DIAPH3: variants seen among roughly 807,000 people sequenced by gnomAD.
The protein encoded by DIAPH3 is diaphanous related formin 3.
A neutral mutation model predicts 144.3 loss-of-function variants in DIAPH3; 117 were observed. The observed-to-expected ratio is 0.81, with a 90% confidence interval of 0.70 to 0.95. The LOEUF (loss-of-function observed/expected upper bound fraction) is 0.95. Among genes scored for constraint, DIAPH3 ranks in the 40% least tolerant of loss-of-function variants. DIAPH3 has a pLI of 0.00. For missense variants in DIAPH3, 1,421 were observed against 1,412.7 expected, an observed-to-expected ratio of 1.01 and a Z score of -0.09; for synonymous variants, 519 against 488.9, an observed-to-expected ratio of 1.06 and a Z score of -0.81.
chr13:59,835,726 A>G (rs911672480), intron 23 of DIAPH3, among the ~76,000 whole-genome samples: 2 of 151,560 alleles, frequency 1.3e-5, no homozygotes, highest in Admixed American at 6.6e-5. Flanking sequence ...CCCACTTCCC[A>G]CTCTTACAAC....
chr13:59,934,646 A>G (rs1356001100), intron 17 of DIAPH3, among the ~76,000 whole-genome samples: 4 of 152,214 alleles, frequency 2.6e-5, no homozygotes, highest in Non-Finnish European at 4.4e-5. Context: ...TTTTTGAACC[A>G]GAACGGCCCT....
chr13:59,938,369 G>A (rs2048358969), intron 17 of DIAPH3, among the ~76,000 whole-genome samples: 1 of 152,124 alleles, frequency 6.6e-6, no homozygotes, highest in African/African-American at 2.4e-5. Context: ...AGCACTTTGG[G>A]AGGCCAAGGC....
At chr13:59,832,952 A>C (rs1032446704) in intron 24 of DIAPH3, 155 bp downstream of exon 24, 1 of 687,162 alleles carries the variant, frequency 1.5e-6, no homozygotes, top group African/African-American at 1.8e-5. Flanking sequence ...CAAACCATAC[A>C]TTTTTCAATA....
At chr13:60,133,457 C>T (rs1396659185) in intron 1 of DIAPH3, among the ~76,000 whole-genome samples, 9 of 151,980 alleles carry the variant, frequency 5.9e-5, no homozygotes, top group Admixed American at 3.9e-4. Context: ...TAGTATGCAG[C>T]ATAATAGATA....
intron 5 of DIAPH3, among the ~76,000 whole-genome samples, chr13:60,023,237 TCTATTTC>T (rs71661652): frequency 0.061 from 9,241 of 152,226 alleles, 416 homozygotes; most frequent in East Asian, 0.28. Flanking sequence ...ATCCAAATTA[TCTATTTC>T]ATATTGGGTG....
chr13:60,123,005 A>G (rs1397856662), intron 2 of DIAPH3, among the ~76,000 whole-genome samples: 1 of 152,192 alleles, frequency 6.6e-6, no homozygotes, highest in Non-Finnish European at 1.5e-5. Context: ...GCATAGACCT[A>G]TATTACCCAT....
chr13:60,100,007 T>C (rs2058226151), intron 3 of DIAPH3, among the ~76,000 whole-genome samples: 1 of 151,706 alleles, frequency 6.6e-6, no homozygotes. Flanking sequence ...CTGAAAGAGC[T>C]GTTAAGTGGC....
At chr13:60,092,608 G>A (rs1160181019) in intron 4 of DIAPH3, among the ~76,000 whole-genome samples, 2 of 151,880 alleles carry the variant, frequency 1.3e-5, no homozygotes, top group Non-Finnish European at 2.9e-5. Flanking sequence ...CCGAGATGGC[G>A]CCACTGCACC....
Position 60,162,783 on chromosome 13 carries a change from ACTCTCT to A in DIAPH3, c.180+798_180+803del, listed in dbSNP as rs148955859. 1.6e-3 allele frequency among the ~76,000 whole-genome samples: 217 copies of A among 132,946 alleles called. 1 individual carries two copies. The highest frequency in any genetic ancestry group is 8.1e-3 in the South Asian group (31 of 3,828). 87.2% of individuals were successfully genotyped at this position (132,946 alleles called of 152,430 possible). A position where few individuals can be genotyped will look rare whatever the true frequency, so the allele number is the denominator to read the frequency against. ...CTTGCCCACATAAGGCAAATGCTGTACTCTCTCTCTCTCTCTCTCTCTCTCTCACAC... is the reference window on the plus strand; with the variant it reads ...CTTGCCCACATAAGGCAAATGCTGTACTCTCTCTCTCTCTCTCTCTCACAC... On this transcript the variant is annotated intron_variant, in intron 1 of 27. Coordinates refer to ENST00000400324, the MANE Select transcript of DIAPH3 (RefSeq NM_001042517.2).
intron 2 of DIAPH3, among the ~76,000 whole-genome samples, chr13:60,122,691 T>C (rs2058877987): frequency 6.6e-6 from 1 of 152,160 alleles, no homozygotes; most frequent in Non-Finnish European, 1.5e-5. Flanking sequence ...GTGTTATGCC[T>C]TTTATATATT....
chr13:59,992,219 A>C (rs962993423), intron 10 of DIAPH3, 33 bp from the exon 11 acceptor site: 9 of 1,539,548 alleles, frequency 5.8e-6, no homozygotes, highest in Middle Eastern at 1.8e-4. Flanking sequence ...ATGATGAATG[A>C]TTTTGTTTTT....
intron 5 of DIAPH3, among the ~76,000 whole-genome samples, chr13:60,029,268 C>T (rs1304618345): frequency 6.6e-6 from 1 of 152,086 alleles, no homozygotes; most frequent in Non-Finnish European, 1.5e-5. Context: ...CAACATTCAC[C>T]CACCCCTTGG....
intron 1 of DIAPH3, among the ~76,000 whole-genome samples, chr13:60,156,941 T>TATATATATAAATATATATATAGATATA (rs1566834028): frequency 3.6e-5 from 1 of 27,426 alleles, no homozygotes; most frequent in Admixed American, 6.1e-4. Context: ...ATATATATAT[T>TATATATATAAATATATATATAGATATA]TTTTTTTTTT....
intron 12 of DIAPH3, among the ~76,000 whole-genome samples, chr13:59,988,896 T>C (rs1174462201): frequency 6.6e-6 from 1 of 151,824 alleles, no homozygotes; most frequent in Non-Finnish European, 1.5e-5. Context: ...CCCTCCCTTT[T>C]TCCCAGGGAA....
chr13:60,098,592 CAAATTGAACAGAAT>C lies in DIAPH3; in HGVS notation c.391-4874_391-4861del, dbSNP rs547607440. ...CAAATTGAAAGAATAAATATAGAAA[CAAATTGAACAGAAT>C]AAATTGAACAGAATAAATATAGAAA... On this transcript the variant is annotated intron_variant, in intron 3 of 27. Coordinates refer to ENST00000400324, the MANE Select transcript of DIAPH3 (RefSeq NM_001042517.2). Among the ~76,000 whole-genome samples the C allele has an allele frequency of 4.6e-4, 70 of 151,898 alleles. 1 individual carries two copies. In the East Asian group the frequency reaches 0.013, roughly 27 times the overall value.
At position 59,691,827 on chromosome 13, in the gene DIAPH3, T is replaced by C. The variant is rs76576650; in HGVS notation, c.3320-24981A>G. ...CTGACTGAGGGTGTTTGTGACTATG[T>C]AAACTGTATTTCTTTCATGTATAAC... On this transcript the variant is annotated intron_variant, in intron 27 of 27. Transcript: ENST00000400324. Among the ~76,000 whole-genome samples the C allele has an allele frequency of 1.3e-3, 194 of 152,304 alleles. 1 individual carries two copies. The highest frequency in any genetic ancestry group is 4.2e-3 in the African/African-American group (174 of 41,574).
intron 9 of DIAPH3, among the ~76,000 whole-genome samples, chr13:59,997,685 C>A (rs1249045106): frequency 6.6e-6 from 1 of 152,036 alleles, no homozygotes; most frequent in Admixed American, 6.6e-5. Context: ...CGAGGACCAT[C>A]CAGTTTTTCC....
chr13:59,830,832 C>T (rs946491559), intron 24 of DIAPH3, among the ~76,000 whole-genome samples: 1 of 151,844 alleles, frequency 6.6e-6, no homozygotes, highest in African/African-American at 2.4e-5. Context: ...GTATACTTTA[C>T]ATAGTTGGGA....
chr13:60,104,858 G>A (rs1218484973), intron 3 of DIAPH3, among the ~76,000 whole-genome samples: 4 of 152,046 alleles, frequency 2.6e-5, no homozygotes, highest in East Asian at 1.9e-4. Context: ...TTGGGAGGCC[G>A]AGGCAGGCGG....
Sources: allele counts gnomAD v4.1 joint callset (sites outside exome capture counted in the v4.1 genomes callset), GRCh38; gene constraint gnomAD v4.1.1; transcripts MANE v1.5; gene names NCBI Gene and HGNC (gene_info 2026-07-23, HGNC 2026-07-21).